The following RBM6 variants were observed in gnomAD, a reference collection of about 807,000 sequenced individuals.
RBM6 encodes RNA binding motif protein 6.
A neutral mutation model predicts 140.4 loss-of-function variants in RBM6; 23 were observed. The observed-to-expected ratio is 0.16, with a 90% CI of 0.12 to 0.23. The LOEUF (loss-of-function observed/expected upper bound fraction) is 0.23, where lower values mean the gene tolerates loss of function less well. Ranked by LOEUF, RBM6 falls within the 10% of genes least tolerant of loss-of-function variation. The pLI, the probability that RBM6 is intolerant of heterozygous loss-of-function variation, is 1.00. For missense variants in RBM6, 1,139 were observed against 1,386.7 expected (o/e 0.82, Z 2.84); for synonymous variants, 439 against 475.6 (o/e 0.92, Z 1.00).
chr3:49,988,002 T>C (rs2085644715), intron 5 of RBM6, among the ~76,000 whole-genome samples: 2 of 152,160 alleles, frequency 1.3e-5, no homozygotes, highest in African/African-American at 4.8e-5. Context: ...TGAAACCTGA[T>C]TTCCAAGCCA....
chr3:49,940,743 G>C (rs1033212812), intron 1 of RBM6: 1 of 153,068 alleles, frequency 6.5e-6, no homozygotes, highest in African/African-American at 2.4e-5. Context: ...CGGGAGAGTG[G>C]TCTGGTGGGT....
At chr3:50,008,386 G>A (rs1422372180) in intron 6 of RBM6, among the ~76,000 whole-genome samples, 1 of 151,946 alleles carries the variant, frequency 6.6e-6, no homozygotes. Context: ...CTTCAGTGTT[G>A]TCACATCTCA....
chr3:50,065,332 G>A (rs1300387093), intron 16 of RBM6, among the ~76,000 whole-genome samples: 1 of 152,176 alleles, frequency 6.6e-6, no homozygotes, highest in Non-Finnish European at 1.5e-5. Context: ...AGAACCAGAG[G>A]CAGTTATCTG....
chr3:50,049,398 C>T (rs770988410), intron 7 of RBM6, among the ~76,000 whole-genome samples: 8 of 152,090 alleles, frequency 5.3e-5, no homozygotes, highest in South Asian at 2.1e-4. Context: ...GCTTGAGCCA[C>T]GGCACCCAGC....
At chr3:50,040,473 T>A (rs199985125) in intron 6 of RBM6, among the ~76,000 whole-genome samples, 66 of 30,298 alleles carry the variant, frequency 2.2e-3, no homozygotes, top group South Asian at 5.8e-3. Context: ...AAAAAAAAAA[T>A]ATATATATAT....
At chr3:49,958,129 T>A (rs1190076424) in intron 1 of RBM6, among the ~76,000 whole-genome samples, 1 of 152,200 alleles carries the variant, frequency 6.6e-6, no homozygotes, top group Non-Finnish European at 1.5e-5. Context: ...GTCTAGCTTT[T>A]AAAAATTCAT....
At chr3:49,994,209 G>A (rs1575636725) in intron 5 of RBM6, among the ~76,000 whole-genome samples, 1 of 152,160 alleles carries the variant, frequency 6.6e-6, no homozygotes, top group East Asian at 1.9e-4. Flanking sequence ...GACTATAGGT[G>A]CGTGCTCCCA....
rs558004716 is a variant in RBM6 at position 50,026,630 on chromosome 3, C to G, written c.1558-21615C>G. Among the ~76,000 whole-genome samples, 10 of 146,870 alleles carry G rather than the reference C, an allele frequency of 6.8e-5. No individual in the cohort carries two copies. The South Asian group carries it at 2.1e-3, about 31-fold the overall frequency. On this transcript the variant is annotated intron_variant, in intron 6 of 20. Coordinates refer to ENST00000266022, the MANE Select transcript of RBM6 (RefSeq NM_005777.3). ...CCACCACGCCTGGCCAAGACTCTGT[C>G]TCTCAAAAAAAAAAAAAAGAAAAAA...
intron 2 of RBM6, 179 bp downstream of exon 2, chr3:49,962,864 G>C (rs890684360): frequency 4.0e-6 from 2 of 498,902 alleles, no homozygotes; most frequent in East Asian, 8.2e-5. Context: ...TTGGGAGGCT[G>C]AGGCGGGCAG....
chr3:50,020,390 A>G (rs2087414655), intron 6 of RBM6, among the ~76,000 whole-genome samples: 1 of 151,328 alleles, frequency 6.6e-6, no homozygotes, highest in African/African-American at 2.4e-5. Flanking sequence ...AATTTTTATT[A>G]TTTTCTTCTG....
chr3:49,992,283 C>T (rs1167886778), intron 5 of RBM6, among the ~76,000 whole-genome samples: 1 of 152,028 alleles, frequency 6.6e-6, no homozygotes, highest in African/African-American at 2.4e-5. Flanking sequence ...TTGAGTTGCC[C>T]TTTATTTGCA....
intron 6 of RBM6, among the ~76,000 whole-genome samples, chr3:50,047,882 T>G (rs2089293790): frequency 2.0e-5 from 3 of 152,188 alleles, no homozygotes. Flanking sequence ...AACAGTTTAC[T>G]TCTTGATAGT....
intron 6 of RBM6, among the ~76,000 whole-genome samples, chr3:50,009,981 C>T (rs552646610): frequency 1.4e-4 from 22 of 152,116 alleles, no homozygotes; most frequent in African/African-American, 4.8e-4. Flanking sequence ...CTCTGCCTCC[C>T]GGGTTCCAGT....
At chr3:49,995,778 A>G (rs990398901) in intron 5 of RBM6, among the ~76,000 whole-genome samples, 5 of 152,194 alleles carry the variant, frequency 3.3e-5, no homozygotes, top group African/African-American at 9.7e-5. Flanking sequence ...TGAGTTTACC[A>G]TCTTGATGAT....
intron 1 of RBM6, among the ~76,000 whole-genome samples, chr3:49,943,790 C>T (rs558304133): frequency 6.6e-6 from 1 of 152,178 alleles, no homozygotes; most frequent in East Asian, 1.9e-4. Flanking sequence ...TTTTGAGGAC[C>T]CACCATACTG....
intron 6 of RBM6, among the ~76,000 whole-genome samples, chr3:50,035,259 G>A (rs1324637028): frequency 1.9e-4 from 29 of 151,980 alleles, no homozygotes; most frequent in Admixed American, 1.9e-3. Context: ...TGAAAGGAAG[G>A]AAAGTACACT....
Position 49,968,035 on chromosome 3 carries a change from G to C in RBM6, c.610G>C (p.Asp204His), listed in dbSNP as rs2084586281. ...TAGGGGAAGGGATTTATCAGATTTG[G>C]ATTTTAGGGCCAGAGAACAGTCCCG... ...DFRGRDLSDL[D>H]FRAREQSRSD... The change falls in exon 3 of 21, where the codon GAT becomes CAT. Residue 204 changes from aspartate (D) to histidine (H), a missense_variant. Transcript: ENST00000266022. The C allele has an allele frequency of 6.2e-7, 1 of 1,614,128 alleles. No homozygotes were observed. Among genetic ancestry groups the C allele is most frequent in the Non-Finnish European group, 8.5e-7 (1 of 1,180,022 alleles).
At chr3:49,961,290 C>T (rs932507988) in intron 1 of RBM6, among the ~76,000 whole-genome samples, 2 of 152,126 alleles carry the variant, frequency 1.3e-5, no homozygotes, top group Middle Eastern at 3.4e-3. Context: ...GTTGCCTAGG[C>T]TGGTCTCGAA....
intron 7 of RBM6, among the ~76,000 whole-genome samples, chr3:50,051,280 C>T (rs900532562): frequency 5.9e-5 from 9 of 152,172 alleles, no homozygotes; most frequent in Non-Finnish European, 1.0e-4. Flanking sequence ...GTCGAGGCAT[C>T]AGTGAGCTAT....
Sources: gnomAD v4.1 joint callset for allele counts (sites outside exome capture counted in the v4.1 genomes callset) on GRCh38, gnomAD v4.1.1 for gene constraint, MANE v1.5 for transcripts, NCBI Gene and HGNC (gene_info 2026-07-23, HGNC 2026-07-21) for gene names.